Variants in ARSB observed in about 807,000 individuals in gnomAD.
ARSB encodes arylsulfatase B.
A neutral mutation model predicts 50.9 loss-of-function variants in ARSB; 41 were observed. The ratio of observed to expected loss-of-function variants is 0.81; its 90% CI spans 0.63 to 1.04. ARSB has a LOEUF of 1.04. Ranked by LOEUF, ARSB falls within the 50% of genes least tolerant of loss-of-function variation. The pLI is 0.00. For missense variants in ARSB, 672 were observed against 693.3 expected (o/e 0.97, Z 0.35); for synonymous variants, 269 against 284.8 (o/e 0.94, Z 0.56).
intron 6 of ARSB, among the ~76,000 whole-genome samples, chr5:78,807,825 G>T (rs113861563): frequency 1.3e-5 from 2 of 152,088 alleles, no homozygotes; most frequent in African/African-American, 4.8e-5. Flanking sequence ...CGGGCGCGGT[G>T]GCTCACGCCT....
chr5:78,792,864 T>C (rs549429989), intron 6 of ARSB, among the ~76,000 whole-genome samples: 1 of 152,308 alleles, frequency 6.6e-6, no homozygotes, highest in South Asian at 2.1e-4. Flanking sequence ...CTTATGACTG[T>C]GAGATCTGAA....
intron 5 of ARSB, among the ~76,000 whole-genome samples, chr5:78,850,365 T>A (rs1211705254): frequency 2.0e-5 from 3 of 152,218 alleles, no homozygotes; most frequent in Non-Finnish European, 4.4e-5. Flanking sequence ...TTACATTTAT[T>A]GATTTGCGTA....
In ARSB at chr5:78,984,926, G is replaced by A. The variant is rs768585880; in HGVS notation, c.312+11C>T. Reference sequence around the variant, plus strand: ...GGCGGGGGCGGCGCGGGCGGCGGGGGCGCCGCGTACCTGGTAGCGGCCAGT... The same window carrying A: ...GGCGGGGGCGGCGCGGGCGGCGGGGACGCCGCGTACCTGGTAGCGGCCAGT... On this transcript the variant is annotated intron_variant, in intron 1 of 7. Coordinates refer to ENST00000264914, the MANE Select transcript of ARSB (RefSeq NM_000046.5). 3.0e-6 allele frequency: 4 copies of A among 1,336,600 alleles called. No homozygotes were observed. The highest frequency in any genetic ancestry group is 3.1e-5 in the East Asian group (1 of 32,242). 82.8% of individuals were successfully genotyped at this position (1,336,600 alleles called of 1,614,324 possible).
intron 5 of ARSB, chr5:78,884,786 T>G (rs1397205744): frequency 6.6e-6 from 1 of 152,176 alleles, no homozygotes; most frequent in Non-Finnish European, 1.5e-5. Context: ...AAATACAAGA[T>G]TGAAATTTTC....
chr5:78,848,110 C>A (rs1407519354), intron 5 of ARSB, among the ~76,000 whole-genome samples: 1 of 150,600 alleles, frequency 6.6e-6, no homozygotes, highest in Admixed American at 6.6e-5. Context: ...GGTACATGTG[C>A]ACAATGTGCA....
chr5:78,902,567 A>G (rs1181604555), intron 4 of ARSB, among the ~76,000 whole-genome samples: 1 of 152,236 alleles, frequency 6.6e-6, no homozygotes, highest in Non-Finnish European at 1.5e-5. Context: ...TAGCAATAAA[A>G]GGGATATTAT....
chr5:78,900,964 G>A (rs1048159518), intron 4 of ARSB, among the ~76,000 whole-genome samples: 31 of 151,330 alleles, frequency 2.0e-4, no homozygotes, highest in Middle Eastern at 3.4e-3. Context: ...GTGTGAACCC[G>A]GGACCTGGGA....
Position 78,777,980 on chromosome 5 carries a change from C to T in ARSB, c.*2417G>A, listed in dbSNP as rs1748819173. On this transcript the variant is annotated 3_prime_UTR_variant, in exon 8 of 8. Coordinates refer to ENST00000264914, the MANE Select transcript of ARSB (RefSeq NM_000046.5). ...CATTCTATTATGGATAAACCAAAAT[C>T]TCAAGTACTTGTTTTACAAAAAATT... The T allele has an allele frequency of 6.6e-6, 1 of 151,892 alleles. No homozygotes were observed. The allele number at this position is 151,892 out of a possible 1,614,324, so 9.4% of individuals were successfully genotyped here. A position where few individuals can be genotyped will look rare whatever the true frequency, so the allele number is the denominator to read the frequency against.
intron 4 of ARSB, among the ~76,000 whole-genome samples, chr5:78,928,556 TC>T (rs1561507337): frequency 6.6e-6 from 1 of 152,130 alleles, no homozygotes; most frequent in Non-Finnish European, 1.5e-5. Flanking sequence ...CTTCAGGTGA[TC>T]CGCCCACCTC....
At chr5:78,856,978 C>G (rs901119024) in intron 5 of ARSB, among the ~76,000 whole-genome samples, 8 of 152,152 alleles carry the variant, frequency 5.3e-5, no homozygotes, top group Non-Finnish European at 8.8e-5. Flanking sequence ...TTTTTCTCAT[C>G]AGCAGAATCT....
In ARSB at chr5:78,882,549, A is replaced by G. The variant is rs187490557; in HGVS notation, c.1142+3035T>C. On this transcript the variant is annotated intron_variant, in intron 5 of 7. Transcript: ENST00000264914. ...TTCAGAGCTAATGTTTTAAAAAACT[A>G]AAAAAGAAAGTCAAGGGAATGGGTA... 5.3e-5 allele frequency among the ~76,000 whole-genome samples: 8 copies of G among 152,318 alleles called. No homozygotes were observed. In the East Asian group the frequency reaches 1.5e-3, roughly 29 times the overall value.
At chr5:78,814,939 G>C (rs371432596) in intron 6 of ARSB, among the ~76,000 whole-genome samples, 14 of 150,714 alleles carry the variant, frequency 9.3e-5, no homozygotes, top group East Asian at 5.9e-4. Flanking sequence ...CAAGGACTAA[G>C]AGAGTGCTAT....
intron 4 of ARSB, among the ~76,000 whole-genome samples, chr5:78,886,948 C>T (rs1748066691): frequency 6.6e-6 from 1 of 152,162 alleles, no homozygotes; most frequent in South Asian, 2.1e-4. Flanking sequence ...CTAGGAGTGA[C>T]TCTGATTTTG....
chr5:78,805,183 T>C (rs372510517), intron 6 of ARSB, among the ~76,000 whole-genome samples: 1 of 152,206 alleles, frequency 6.6e-6, no homozygotes, highest in Non-Finnish European at 1.5e-5. Flanking sequence ...CTTTTCCTAA[T>C]AATTGCTGAG....
rs1554078060 is a variant in ARSB at position 78,872,830 on chromosome 5, A to AAG, written c.1142+12753_1142+12754insCT. Among the ~76,000 whole-genome samples, 350 of 150,154 alleles carry AAG rather than the reference A, an allele frequency of 2.3e-3. 1 individual carries two copies. Among genetic ancestry groups the AAG allele is most frequent in the South Asian group, 6.4e-3 (30 of 4,714 alleles). Reference sequence around the variant, plus strand: ...TAAAGTATAATTAAAAAAAAAAAAAAAAAGAAAGGGGCTACATTTAGCAAA... The same window carrying AAG: ...TAAAGTATAATTAAAAAAAAAAAAAAAGAAAGAAAGGGGCTACATTTAGCAAA... On this transcript the variant is annotated intron_variant, in intron 5 of 7. Transcript: ENST00000264914.
chr5:78,799,393 T>C (rs1392293398), intron 6 of ARSB, among the ~76,000 whole-genome samples: 3 of 152,176 alleles, frequency 2.0e-5, no homozygotes, highest in African/African-American at 7.2e-5. Context: ...TCCTGAGAAA[T>C]GCCAACCGTT....
chr5:78,891,498 A>G (rs1748291914), intron 4 of ARSB, among the ~76,000 whole-genome samples: 1 of 152,134 alleles, frequency 6.6e-6, no homozygotes, highest in Non-Finnish European at 1.5e-5. Flanking sequence ...TGTTCCAGGG[A>G]CCACTCCAGA....
At chr5:78,808,584 G>A (rs2112656182) in intron 6 of ARSB, among the ~76,000 whole-genome samples, 1 of 152,260 alleles carries the variant, frequency 6.6e-6, no homozygotes, top group Admixed American at 6.5e-5. Context: ...TGCTCTCCGG[G>A]CACATCCTGT....
At chr5:78,795,553 C>T (rs1294221211) in intron 6 of ARSB, among the ~76,000 whole-genome samples, 1 of 152,224 alleles carries the variant, frequency 6.6e-6, no homozygotes, top group African/African-American at 2.4e-5. Context: ...CCATTAAATA[C>T]TTCCCTCATT....
Sources: gnomAD v4.1 joint callset for allele counts (sites outside exome capture counted in the v4.1 genomes callset) on GRCh38, gnomAD v4.1.1 for gene constraint, MANE v1.5 for transcripts, NCBI Gene and HGNC (gene_info 2026-07-23, HGNC 2026-07-21) for gene names.